The following SUGP2 variants were observed in gnomAD, a reference collection of about 807,000 sequenced individuals.
The protein encoded by SUGP2 is SURP and G-patch domain containing 2, also known as SURP and G-patch domain-containing protein 2.
Under a neutral mutation model 90.5 loss-of-function variants are expected in SUGP2, and 24 were observed. That is an observed-to-expected ratio of 0.27 (90% CI 0.19 to 0.37). SUGP2 has a LOEUF of 0.37. Ranked by LOEUF, SUGP2 falls within the 10% of genes least tolerant of loss-of-function variation. The pLI, the probability that SUGP2 is intolerant of heterozygous loss-of-function variation, is 1.00. For synonymous variants in SUGP2, 473 were observed against 513.4 expected (o/e 0.92, Z 1.06); for missense variants, 1,233 against 1,363.3 (o/e 0.90, Z 1.51).
chr19:19,028,803 A>G lies in SUGP2; in HGVS notation c.121+2148T>C, dbSNP rs150139007. 7.5e-4 allele frequency among the ~76,000 whole-genome samples: 114 copies of G among 151,842 alleles called. 3 individuals carry two copies. The East Asian group carries it at 0.019, about 26-fold the overall frequency. The stretch of plus-strand genomic sequence containing the variant: ...AACCTCCACCTCCTGGGTTCAAGCT[A>G]TTCTTCTGTCTCAGCCTCCTGGGTA... On this transcript the variant is annotated intron_variant, in intron 2 of 10. Coordinates refer to ENST00000452918, the MANE Select transcript of SUGP2 (RefSeq NM_001017392.5).
At chr19:19,008,563 T>C (rs2058178506) in intron 5 of SUGP2, 135 bp from the exon 6 acceptor site, 2 of 718,466 alleles carry the variant, frequency 2.8e-6, no homozygotes, top group South Asian at 3.0e-5. Context: ...TCGTCACATG[T>C]GGACCCTTTG....
intron 6 of SUGP2, 110 bp from the exon 7 acceptor site, chr19:19,004,756 G>A (rs1239532260): frequency 1.0e-5 from 9 of 875,862 alleles, no homozygotes; most frequent in Middle Eastern, 6.2e-4. Context: ...ACAAGGGAAA[G>A]AATAACCTGA....
rs142666863 is a variant in SUGP2, at chr19:19,024,828, A to G, written c.1520T>C (p.Ile507Thr). The change falls in exon 3 of 11, where the codon ATA (isoleucine) becomes ACA (threonine). Residue 507 changes from isoleucine (I) to threonine (T), a missense_variant. By Grantham distance (89) the Ile-to-Thr change is moderately conservative (BLOSUM62 -1). This residue lies in a region of SUGP2 where 540 missense variants were observed against 542.6 expected (regional missense o/e 1.00). Coordinates refer to ENST00000452918, the MANE Select transcript of SUGP2 (RefSeq NM_001017392.5). ...TGGAAACGCAGCAGGTGAGGGAGCTATATCTTGCAGGCCGACAGCTTCTAA... is the reference window on the plus strand; with the variant it reads ...TGGAAACGCAGCAGGTGAGGGAGCTGTATCTTGCAGGCCGACAGCTTCTAA... ...KILEAVGLQD[I>T]APSPAAFPNF... 9.9e-6 allele frequency: 16 copies of G among 1,614,078 alleles called. No individual in the cohort carries two copies. The highest frequency in any genetic ancestry group is 2.2e-5 in the East Asian group (1 of 44,898).
In SUGP2 at chr19:19,004,285, C is replaced by A. The variant is rs143253555; in HGVS notation, c.2812G>T (p.Ala938Ser). 1.9e-6 allele frequency: 3 copies of A among 1,613,928 alleles called. No individual in the cohort carries two copies. The highest frequency in any genetic ancestry group is 1.7e-6 in the Non-Finnish European group (2 of 1,179,820). Residue 938 changes from alanine to serine, a missense_variant, in exon 7 of 11, where the codon GCC (alanine) becomes TCC (serine). Coordinates refer to ENST00000452918, the MANE Select transcript of SUGP2 (RefSeq NM_001017392.5). ...AAEDDLAGAP[A>S]LSQASSGTCF... ...GTACCTGAGGAGGCCTGTGACAAGG[C>A]AGGTGCTCCAGCCAGGTCGTCCTCG...
chr19:18,994,628 G>T, intron 9 of SUGP2, 142 bp from the exon 10 acceptor site: 2 of 1,187,788 alleles, frequency 1.7e-6, no homozygotes, highest in South Asian at 1.5e-5. Flanking sequence ...AAATCAAGAC[G>T]CGACTCACAG....
chr19:19,019,047 G>C lies in SUGP2; in HGVS notation c.1850+62C>G, dbSNP rs913313539. 5 of 1,566,494 alleles carry C rather than the reference G, an allele frequency of 3.2e-6. No homozygotes were observed. The Admixed American group carries it at 8.6e-5, about 27-fold the overall frequency. On this transcript the variant is annotated intron_variant, in intron 4 of 10. Coordinates refer to ENST00000452918, the MANE Select transcript of SUGP2 (RefSeq NM_001017392.5). ...CCTCTGCTCTCAATACCATCAGAGT[G>C]ACCCAAATTTTGCCATATACTCCAT... is the stretch of plus-strand genomic sequence containing the variant.
intron 4 of SUGP2, among the ~76,000 whole-genome samples, chr19:19,012,199 T>C (rs2058336311): frequency 6.6e-6 from 1 of 152,208 alleles, no homozygotes; most frequent in Non-Finnish European, 1.5e-5. Context: ...TGGCACTCTG[T>C]TGGGCTAACG....
chr19:19,024,291 A>T (rs1403154346), intron 3 of SUGP2, among the ~76,000 whole-genome samples: 1 of 151,230 alleles, frequency 6.6e-6, no homozygotes, highest in East Asian at 1.9e-4. Context: ...TTGTATTTTT[A>T]GTAGAGATGG....
intron 2 of SUGP2, among the ~76,000 whole-genome samples, chr19:19,030,150 TAAAAAAAACAAAAAAC>T (rs1005756837): frequency 1.4e-5 from 2 of 148,010 alleles, no homozygotes; most frequent in African/African-American, 5.0e-5. Flanking sequence ...CCATATCTAT[TAAAAAAAACAAAAAAC>T]AAAAAAAACA....
chr19:19,014,579 C>T (rs903184185), intron 4 of SUGP2, among the ~76,000 whole-genome samples: 7 of 150,494 alleles, frequency 4.7e-5, no homozygotes, highest in African/African-American at 1.5e-4. Flanking sequence ...CGCTTGAGCC[C>T]AGGAGTTAGA....
At chr19:18,994,618 A>C in intron 9 of SUGP2, 132 bp from the exon 10 acceptor site, 3 of 1,283,708 alleles carry the variant, frequency 2.3e-6, no homozygotes, top group Non-Finnish European at 3.2e-6. Flanking sequence ...AAGAAAGGGA[A>C]AATCAAGACG....
intron 2 of SUGP2, among the ~76,000 whole-genome samples, chr19:19,029,986 C>T (rs1398835164): frequency 4.6e-5 from 7 of 151,510 alleles, no homozygotes; most frequent in Non-Finnish European, 8.8e-5. Context: ...ACCTGGGCAG[C>T]GGTGACAGGG....
chr19:19,003,066 C>G (rs768840216), intron 7 of SUGP2, among the ~76,000 whole-genome samples: 8 of 152,172 alleles, frequency 5.3e-5, no homozygotes, highest in Non-Finnish European at 1.2e-4. Flanking sequence ...GCCTCAGTCC[C>G]GCTAAGCTGG....
chr19:19,013,464 C>T (rs1402872598), intron 4 of SUGP2, among the ~76,000 whole-genome samples: 25 of 152,192 alleles, frequency 1.6e-4, no homozygotes. Flanking sequence ...ACTTCTGTTC[C>T]TTTAATGGCT....
chr19:18,996,825 G>A lies in SUGP2; in HGVS notation c.2992-1545C>T, dbSNP rs371452002. On this transcript the variant is annotated intron_variant, in intron 8 of 10. Coordinates refer to ENST00000452918, the MANE Select transcript of SUGP2 (RefSeq NM_001017392.5). The stretch of plus-strand genomic sequence containing the variant: ...CCCGCCTCAGCCTCACAAAGTGCTG[G>A]GATTACAGGCATGAGCCACTGCGCC... Among the ~76,000 whole-genome samples, 15 of 152,278 alleles carry A rather than the reference G, an allele frequency of 9.9e-5. 2 individuals carry two copies. The highest frequency in any genetic ancestry group is 7.8e-4 in the Admixed American group (12 of 15,294).
intron 4 of SUGP2, 88 bp downstream of exon 4, chr19:19,019,021 C>A: frequency 2.1e-6 from 3 of 1,442,264 alleles, no homozygotes; most frequent in Non-Finnish European, 2.9e-6. Flanking sequence ...AAGTATCTCA[C>A]CCTCTGCTCT....
chr19:19,022,253 G>A (rs1012400117), intron 3 of SUGP2, among the ~76,000 whole-genome samples: 8 of 152,162 alleles, frequency 5.3e-5, no homozygotes, highest in African/African-American at 1.9e-4. Flanking sequence ...CAAAGTGCTG[G>A]GATTACAGGC....
chr19:18,997,327 C>A (rs1471176633), intron 8 of SUGP2, among the ~76,000 whole-genome samples: 1 of 151,010 alleles, frequency 6.6e-6, no homozygotes, highest in Non-Finnish European at 1.5e-5. Flanking sequence ...AGAGCAGGGC[C>A]TCAGGTCAGG....
At chr19:19,012,780 C>T (rs967692089) in intron 4 of SUGP2, among the ~76,000 whole-genome samples, 6 of 152,198 alleles carry the variant, frequency 3.9e-5, no homozygotes, top group African/African-American at 9.7e-5. Context: ...TGGATTACGT[C>T]GTCTACGCAT....
Sources: gnomAD v4.1 joint callset for allele counts (sites outside exome capture counted in the v4.1 genomes callset) on GRCh38, gnomAD v4.1.1 for gene constraint, gnomAD v4.1.1 regional missense constraint, MANE v1.5 for transcripts, NCBI Gene and HGNC (gene_info 2026-07-23, HGNC 2026-07-21) for gene names.